NCAM2: variants seen among roughly 807,000 people sequenced by gnomAD.
NCAM2 encodes the protein N-CAM-2.
A neutral mutation model predicts 98.1 loss-of-function variants in NCAM2; 30 were observed. The ratio of observed to expected loss-of-function variants is 0.31; its 90% confidence interval spans 0.23 to 0.41. The LOEUF is 0.41. NCAM2 is among the 10% of genes least tolerant of loss of function. The pLI, the probability that NCAM2 is intolerant of heterozygous loss-of-function variation, is 1.00. For missense variants in NCAM2, 867 were observed against 1,005.8 expected, an observed-to-expected ratio of 0.86 and a Z score of 1.87; for synonymous variants, 368 against 342.4, an observed-to-expected ratio of 1.07 and a Z score of -0.83.
At chr21:21,328,197 A>G (rs931136651) in intron 6 of NCAM2, among the ~76,000 whole-genome samples, 2 of 152,224 alleles carry the variant, frequency 1.3e-5, no homozygotes, top group Admixed American at 6.5e-5. Flanking sequence ...TCATAAAATC[A>G]TAGCTCAACA....
chr21:21,164,051 C>T (rs1301758690), intron 1 of NCAM2, among the ~76,000 whole-genome samples: 1 of 152,012 alleles, frequency 6.6e-6, no homozygotes, highest in Non-Finnish European at 1.5e-5. Flanking sequence ...ATCCCAGGAC[C>T]TAGAAAAAAA....
intron 15 of NCAM2, among the ~76,000 whole-genome samples, chr21:21,499,388 C>T (rs779571981): frequency 5.3e-5 from 8 of 152,014 alleles, no homozygotes; most frequent in South Asian, 2.1e-4. Flanking sequence ...ACTACAGGCG[C>T]GTGCCACCAC....
chr21:21,541,061 C>A lies in NCAM2; in HGVS notation c.*3104C>A, dbSNP rs1422921463. On this transcript the variant is annotated 3_prime_UTR_variant, in exon 18 of 18. Coordinates refer to ENST00000400546, the MANE Select transcript of NCAM2 (RefSeq NM_004540.5). Reference sequence around the variant, plus strand: ...ATTTTTCAAAGGCTATTTGATCCAGCACACTTCATATGGATCTTAGTCTTT... The same window carrying A: ...ATTTTTCAAAGGCTATTTGATCCAGAACACTTCATATGGATCTTAGTCTTT... 1 of 151,536 alleles carries A rather than the reference C, an allele frequency of 6.6e-6. No individual in the cohort carries two copies. Among genetic ancestry groups the A allele is most frequent in the East Asian group, 1.9e-4 (1 of 5,196 alleles). 9.4% of individuals were successfully genotyped at this position (151,536 alleles called of 1,614,324 possible).
At chr21:21,516,754 G>T (rs548965891) in intron 16 of NCAM2, among the ~76,000 whole-genome samples, 57 of 152,114 alleles carry the variant, frequency 3.7e-4, no homozygotes, top group African/African-American at 1.4e-3. Flanking sequence ...TCAGTCGAGA[G>T]ATTTTATGTT....
intron 8 of NCAM2, among the ~76,000 whole-genome samples, chr21:21,351,418 A>T (rs1275074591): frequency 6.6e-6 from 1 of 152,070 alleles, no homozygotes; most frequent in Non-Finnish European, 1.5e-5. Context: ...TGACCTCTTT[A>T]TTTAATTAAT....
intron 1 of NCAM2, among the ~76,000 whole-genome samples, chr21:21,008,578 T>C (rs2064151489): frequency 6.6e-6 from 1 of 152,160 alleles, no homozygotes; most frequent in African/African-American, 2.4e-5. Flanking sequence ...AGACTTGATA[T>C]AAATATTTTA....
chr21:21,305,793 G>A (rs2073861751), intron 5 of NCAM2, among the ~76,000 whole-genome samples: 1 of 151,890 alleles, frequency 6.6e-6, no homozygotes, highest in African/African-American at 2.4e-5. Context: ...TTATTTGGAG[G>A]TATATTGATC....
intron 10 of NCAM2, among the ~76,000 whole-genome samples, chr21:21,414,582 GCCTCACCCTC>G (rs1190121365): frequency 6.7e-6 from 1 of 149,886 alleles, no homozygotes; most frequent in Admixed American, 6.7e-5. Flanking sequence ...CCATTCTCCT[GCCTCACCCTC>G]CCGAGTAGCT....
intron 5 of NCAM2, among the ~76,000 whole-genome samples, chr21:21,299,349 A>G (rs969166784): frequency 2.6e-5 from 4 of 151,056 alleles, no homozygotes; most frequent in African/African-American, 9.7e-5. Flanking sequence ...ATAAAAGCAT[A>G]GGTATTCGGA....
intron 1 of NCAM2, among the ~76,000 whole-genome samples, chr21:21,132,209 C>T (rs1343683359): frequency 6.6e-6 from 1 of 152,094 alleles, no homozygotes; most frequent in Non-Finnish European, 1.5e-5. Flanking sequence ...CTCTTTTTTA[C>T]TCTCACTCTT....
intron 1 of NCAM2, among the ~76,000 whole-genome samples, chr21:21,053,451 T>G (rs1452256793): frequency 5.9e-5 from 9 of 151,900 alleles, no homozygotes. Flanking sequence ...TTAACTAGTT[T>G]AATTAATTTT....
chr21:21,440,845 A>G (rs1236618967), intron 12 of NCAM2, among the ~76,000 whole-genome samples: 1 of 152,204 alleles, frequency 6.6e-6, no homozygotes, highest in Non-Finnish European at 1.5e-5. Flanking sequence ...AGTAAAAGCT[A>G]CATGTACTTA....
At chr21:21,532,712 A>G (rs188073856) in intron 16 of NCAM2, among the ~76,000 whole-genome samples, 2 of 152,288 alleles carry the variant, frequency 1.3e-5, no homozygotes, top group Admixed American at 1.3e-4. Context: ...ATACTCCTGT[A>G]TGTCATCACA....
chr21:21,385,817 A>C, intron 9 of NCAM2: 2 of 188,804 alleles, frequency 1.1e-5, no homozygotes, highest in Non-Finnish European at 2.0e-5. Context: ...TAATCATTAC[A>C]TAGTAACTAT....
At chr21:21,331,326 A>AGTG (rs778251401) in intron 6 of NCAM2, among the ~76,000 whole-genome samples, 1 of 150,148 alleles carries the variant, frequency 6.7e-6, no homozygotes. Flanking sequence ...TATTTAGAGA[A>AGTG]GTGGTTTCAG....
intron 1 of NCAM2, among the ~76,000 whole-genome samples, chr21:21,106,180 C>T (rs1254968503): frequency 1.3e-5 from 2 of 151,750 alleles, no homozygotes; most frequent in Non-Finnish European, 2.9e-5. Context: ...TGGTGGCATG[C>T]TTCTGTAGTC....
chr21:21,312,488 A>G (rs2074086693), intron 5 of NCAM2, among the ~76,000 whole-genome samples: 1 of 151,648 alleles, frequency 6.6e-6, no homozygotes, highest in Non-Finnish European at 1.5e-5. Context: ...TTATATTAAT[A>G]CTCAATTAAT....
intron 1 of NCAM2, among the ~76,000 whole-genome samples, chr21:21,063,157 G>C (rs2065355821): frequency 6.8e-6 from 1 of 146,618 alleles, no homozygotes; most frequent in Non-Finnish European, 1.5e-5. Context: ...CTTTGAATCA[G>C]TCCTAAATTT....
At chr21:21,444,524 T>G (rs1979800323) in intron 12 of NCAM2, among the ~76,000 whole-genome samples, 1 of 152,188 alleles carries the variant, frequency 6.6e-6, no homozygotes, top group African/African-American at 2.4e-5. Flanking sequence ...TTGTTATTGT[T>G]CTATTCAGAG....
Sources: allele counts gnomAD v4.1 joint callset (sites outside exome capture counted in the v4.1 genomes callset), GRCh38; gene constraint gnomAD v4.1.1; transcripts MANE v1.5; gene names NCBI Gene and HGNC (gene_info 2026-07-23, HGNC 2026-07-21).